The following NOTCH3 variants were observed in gnomAD, a reference collection of about 807,000 sequenced individuals.
NOTCH3 encodes notch receptor 3, also known as neurogenic locus notch homolog protein 3.
Under a neutral mutation model 213.3 loss-of-function variants are expected in NOTCH3, and 86 were observed. The observed-to-expected ratio is 0.40, with a 90% CI of 0.34 to 0.48. The LOEUF (loss-of-function observed/expected upper bound fraction) is 0.48, where lower values mean the gene tolerates loss of function less well. NOTCH3 is among the 20% of genes least tolerant of loss of function. The pLI, the probability that NOTCH3 is intolerant of heterozygous loss-of-function variation, is 0.57. For missense variants in NOTCH3, 2,783 were observed against 3,272.6 expected, an observed-to-expected ratio of 0.85 and a Z score of 3.65; for synonymous variants, 1,354 against 1,355.9, an observed-to-expected ratio of 1.00 and a Z score of 0.03.
At chr19:15,164,393 T>A (rs2046668647) in intron 31 of NOTCH3, among the ~76,000 whole-genome samples, 1 of 151,730 alleles carries the variant, frequency 6.6e-6, no homozygotes. Flanking sequence ...TACAAAAAAA[T>A]AGCCAGGCAT....
chr19:15,161,262 G>A lies in NOTCH3; in HGVS notation c.6366C>T (p.Pro2122=). 1.9e-6 allele frequency: 3 copies of A among 1,545,676 alleles called. No homozygotes were observed. The highest frequency in any genetic ancestry group is 1.3e-5 in the African/African-American group (1 of 74,104). Residue 2122 remains proline (P), a synonymous_variant, in exon 33 of 33, where the codon CCC becomes CCT. Coordinates refer to ENST00000263388, the MANE Select transcript of NOTCH3 (RefSeq NM_000435.3). The part of the protein sequence containing the change: ...GGPPASPGGF[P]LEGPYAAATA... ...TGGCAGCTGCATAGGGCCCCTCAAG[G>A]GGGAAGCCACCAGGGGAAGCAGGGG... is the stretch of plus-strand genomic sequence containing the variant.
chr19:15,197,442 C>CCCCCCCCCCCCCCCCCCCCCCCCA, intron 2 of NOTCH3, 58 bp downstream of exon 2: 2 of 620,836 alleles, frequency 3.2e-6, no homozygotes, highest in Non-Finnish European at 6.1e-6. Flanking sequence ...AGACAAATCG[C>CCCCCCCCCCCCCCCCCCCCCCCCA]CCCTCCCCCC....
In NOTCH3 at chr19:15,177,703, C is replaced by G. The variant is rs1478078695; in HGVS notation, c.4225G>C (p.Gly1409Arg). 6.5e-7 allele frequency: 1 copy of G among 1,538,960 alleles called. No homozygotes were observed. Among genetic ancestry groups the G allele is most frequent in the African/African-American group, 1.4e-5 (1 of 73,288 alleles). The change falls in exon 24 of 33, where the codon GGC becomes CGC. Residue 1409 changes from glycine to arginine, a missense_variant. Coordinates refer to ENST00000263388, the MANE Select transcript of NOTCH3 (RefSeq NM_000435.3). ...QRCDRECNSP[G>R]CGWDGGDCSL... ...CAGTCGCCGCCGTCCCAGCCGCAGCCTGGGCTGTTGCACTCGCGGTCGCAG... is the reference window on the plus strand; with the variant it reads ...CAGTCGCCGCCGTCCCAGCCGCAGCGTGGGCTGTTGCACTCGCGGTCGCAG...
In NOTCH3 at chr19:15,170,099, G is replaced by A. The variant is rs761061422; in HGVS notation, c.5186C>T (p.Ala1729Val). ...TDWMDTECPE[A>V]KRLKVEEPGM... Reference sequence around the variant, plus strand: ...GGGGGGCAGTACCTTTAGCCGCTTGGCCTCTGGGCACTCTGTGTCCATCCA... The same window carrying A: ...GGGGGGCAGTACCTTTAGCCGCTTGACCTCTGGGCACTCTGTGTCCATCCA... Residue 1729 changes from alanine to valine, a missense_variant, in exon 28 of 33, where the codon GCC becomes GTC. Ala to Val is a moderately conservative substitution (Grantham distance 64). Transcript: ENST00000263388. 4 of 1,592,098 alleles carry A rather than the reference G, an allele frequency of 2.5e-6. No homozygotes were observed. In the East Asian group the frequency reaches 9.0e-5, roughly 36 times the overall value.
chr19:15,166,850 C>T (rs1382508174), intron 29 of NOTCH3, among the ~76,000 whole-genome samples: 1 of 152,222 alleles, frequency 6.6e-6, no homozygotes, highest in Non-Finnish European at 1.5e-5. Flanking sequence ...GTATGTGAAT[C>T]AGGCTTGGTC....
At position 15,200,377 on chromosome 19, in the gene NOTCH3, G is replaced by A. The variant is rs1024088387; in HGVS notation, c.118+411C>T. Among the ~76,000 whole-genome samples the A allele has an allele frequency of 2.0e-5, 3 of 151,774 alleles. No homozygotes were observed. The East Asian group carries it at 5.9e-4, about 30-fold the overall frequency. On this transcript the variant is annotated intron_variant, in intron 1 of 32. Transcript: ENST00000263388. ...CCAGCCCGCCCGGGGTGTCGGGGGC[G>A]GGGTGGGGGGGCTTTTGTGCGAGAG...
intron 10 of NOTCH3, 80 bp from the exon 11 acceptor site, chr19:15,187,418 A>C: frequency 1.5e-6 from 2 of 1,297,730 alleles, no homozygotes; most frequent in Middle Eastern, 2.3e-4. Flanking sequence ...ATCCTGGTTC[A>C]GCTCTATCTG....
At position 15,165,709 on chromosome 19, in the gene NOTCH3, A is replaced by C; in HGVS notation, c.5667+78T>G. 1.3e-6 allele frequency: 2 copies of C among 1,536,624 alleles called. No individual in the cohort carries two copies. Among genetic ancestry groups the C allele is most frequent in the South Asian group, 2.3e-5 (2 of 88,640 alleles). ...CCAAATGAGAAAAAATGAGTCTGAA[A>C]GGCAGAACTGGGGCTCAAACCCAGG... On this transcript the variant is annotated intron_variant, in intron 30 of 32. Coordinates refer to ENST00000263388, the MANE Select transcript of NOTCH3 (RefSeq NM_000435.3). The surrounding 1 kb of genome is among the most constrained non-coding windows in gnomAD (Gnocchi z 4.7).
intron 2 of NOTCH3, among the ~76,000 whole-genome samples, chr19:15,196,097 G>C (rs1004238): frequency 1.8e-4 from 28 of 151,900 alleles, no homozygotes; most frequent in Admixed American, 1.4e-3. Context: ...AGAGACTCGT[G>C]GGGGGTGGAG....
chr19:15,173,947 A>G, intron 25 of NOTCH3, 121 bp downstream of exon 25: 1 of 833,216 alleles, frequency 1.2e-6, no homozygotes, highest in South Asian at 1.9e-5. Context: ...CACAGCCAGG[A>G]GGCGGTGCTC....
intron 16 of NOTCH3, among the ~76,000 whole-genome samples, 190 bp from the exon 17 acceptor site, chr19:15,181,991 C>T (rs2046845823): frequency 6.6e-6 from 1 of 152,232 alleles, no homozygotes; most frequent in African/African-American, 2.4e-5. Flanking sequence ...GGAAACCTCA[C>T]CTATGTGGCA....
intron 2 of NOTCH3, among the ~76,000 whole-genome samples, chr19:15,194,792 C>T (rs1232933154): frequency 6.6e-6 from 1 of 151,852 alleles, no homozygotes; most frequent in Non-Finnish European, 1.5e-5. Context: ...TCCGTCTCTA[C>T]TAAAAACACA....
intron 2 of NOTCH3, 59 bp downstream of exon 2, chr19:15,197,441 G>GGGGGGGCCCCCC: frequency 2.6e-6 from 2 of 768,364 alleles, no homozygotes; most frequent in Non-Finnish European, 4.6e-6. Flanking sequence ...AAGACAAATC[G>GGGGGGGCCCCCC]CCCCTCCCCC....
chr19:15,169,334 C>G (rs2046711868), intron 28 of NOTCH3, among the ~76,000 whole-genome samples: 1 of 152,044 alleles, frequency 6.6e-6, no homozygotes, highest in African/African-American at 2.4e-5. Context: ...CTGACAGCAC[C>G]TTGGGCTTGG....
In NOTCH3 at chr19:15,188,002, G is replaced by A. The variant is rs201202842; in HGVS notation, c.1493-8C>T. On this transcript the variant is annotated splice_polypyrimidine_tract_variant and splice_region_variant and intron_variant, in intron 9 of 32. Coordinates refer to ENST00000263388, the MANE Select transcript of NOTCH3 (RefSeq NM_000435.3). ...ACGTGGAGCCGCTGAAGCCTGGGGT[G>A]GGGAGTGGGATGAGCAGAGGCCCAG... is the stretch of plus-strand genomic sequence containing the variant. 93 of 1,548,754 alleles carry A rather than the reference G, an allele frequency of 6.0e-5. No homozygotes were observed. The African/African-American group carries it at 1.2e-3, about 20-fold the overall frequency.
At chr19:15,178,293 C>A in intron 23 of NOTCH3, 1 of 539,708 alleles carries the variant, frequency 1.9e-6, no homozygotes, top group Non-Finnish European at 3.3e-6. Context: ...GAGACCCCAC[C>A]TGGCAGATAA....
chr19:15,192,026 G>A lies in NOTCH3; in HGVS notation c.613C>T (p.Pro205Ser). Residue 205 changes from proline to serine, a missense_variant, in exon 4 of 33, where the codon CCA (proline) becomes TCA (serine). Physicochemically the swap from Pro to Ser is moderately conservative, Grantham distance 74. This residue lies in a region of NOTCH3 where 708 missense variants were observed against 906.6 expected (regional missense o/e 0.78). Transcript: ENST00000263388. Reference protein sequence around the residue: ...ENPAVPCAPSPCRNGGTCRQS... With the variant: ...ENPAVPCAPSSCRNGGTCRQS... ...CTGCAGGTGCCCCCGTTACGGCATGGTGAGGGTGCACAGGGCACCGCGGGG... is the reference window on the plus strand; with the variant it reads ...CTGCAGGTGCCCCCGTTACGGCATGATGAGGGTGCACAGGGCACCGCGGGG... The A allele has an allele frequency of 6.2e-7, 1 of 1,613,268 alleles. No individual in the cohort carries two copies. Among genetic ancestry groups the A allele is most frequent in the Non-Finnish European group, 8.5e-7 (1 of 1,179,984 alleles).
intron 25 of NOTCH3, among the ~76,000 whole-genome samples, chr19:15,172,661 T>C (rs1164735276): frequency 1.3e-5 from 2 of 150,350 alleles, no homozygotes; most frequent in Non-Finnish European, 3.0e-5. Context: ...CTATATTTTT[T>C]CTTTTTCTTT....
rs746983551 is a variant in NOTCH3, at chr19:15,187,127, G to A, written c.1818C>T (p.Cys606=). The change falls in exon 11 of 33, where the codon TGC becomes TGT. Residue 606 remains cysteine, a synonymous_variant. Coordinates refer to ENST00000263388, the MANE Select transcript of NOTCH3 (RefSeq NM_000435.3). The part of the protein sequence containing the change: ...KCLDLVDKYL[C]RCPSGTTGVN... ...CACCTGTGGTCCCAGAAGGGCAGCGGCAGAGGTACTTGTCCACCAGGTCTA... is the reference window on the plus strand; with the variant it reads ...CACCTGTGGTCCCAGAAGGGCAGCGACAGAGGTACTTGTCCACCAGGTCTA... 1 of 1,614,086 alleles carries A rather than the reference G, an allele frequency of 6.2e-7. No homozygotes were observed. The highest frequency in any genetic ancestry group is 1.1e-5 in the South Asian group (1 of 91,074).
Sources: gnomAD v4.1 joint callset for allele counts (sites outside exome capture counted in the v4.1 genomes callset) on GRCh38, gnomAD v4.1.1 for gene constraint, gnomAD v4.1.1 regional missense constraint, Gnocchi (gnomAD v3.1) non-coding constraint, MANE v1.5 for transcripts, NCBI Gene and HGNC (gene_info 2026-07-23, HGNC 2026-07-21) for gene names.